Variants in ANAPC5 observed in about 807,000 individuals in gnomAD.
The protein encoded by ANAPC5 is anaphase promoting complex subunit 5.
Under a neutral mutation model 91.3 loss-of-function variants are expected in ANAPC5, and 60 were observed. The ratio of observed to expected loss-of-function variants is 0.66; its 90% confidence interval spans 0.53 to 0.81. The LOEUF is 0.81. ANAPC5 is among the 40% of genes least tolerant of loss of function. The probability of loss-of-function intolerance (pLI) is 0.00; values close to 1 mark genes in which losing one functional copy is unlikely to be tolerated. For synonymous variants in ANAPC5, 340 were observed against 364.1 expected (o/e 0.93, Z 0.75); for missense variants, 690 against 931.5 (o/e 0.74, Z 3.37).
At chr12:121,317,570 G>GA (rs929069076) in intron 15 of ANAPC5, among the ~76,000 whole-genome samples, 125 of 142,306 alleles carry the variant, frequency 8.8e-4, no homozygotes, top group Admixed American at 1.7e-3. Context: ...TTTATCTCAA[G>GA]AAAAAAAAAA....
intron 3 of ANAPC5, chr12:121,346,358 A>C: frequency 4.7e-6 from 1 of 213,608 alleles, no homozygotes. Flanking sequence ...GGTAATCTCC[A>C]TAAGAGGAAA....
chr12:121,352,433 C>T, upstream of ANAPC5: 1 of 1,011,502 alleles, frequency 9.9e-7, no homozygotes, highest in Non-Finnish European at 1.5e-6. Flanking sequence ...TCCGCCCGCC[C>T]TCACAATATC....
chr12:121,313,752 CA>C (rs894728960), intron 15 of ANAPC5, among the ~76,000 whole-genome samples: 7 of 152,080 alleles, frequency 4.6e-5, no homozygotes, highest in African/African-American at 1.7e-4. Flanking sequence ...AATTAGTAAC[CA>C]AAAAAACTTC....
At chr12:121,313,086 G>A (rs553923852) in intron 15 of ANAPC5, among the ~76,000 whole-genome samples, 1 of 152,358 alleles carries the variant, frequency 6.6e-6, no homozygotes, top group South Asian at 2.1e-4. Flanking sequence ...AGCACTTTGG[G>A]AGGCCAAGGC....
rs933728783 is a variant in ANAPC5 at position 121,319,143 on chromosome 12, G to A, written c.1638-535C>T. On this transcript the variant is annotated intron_variant, in intron 13 of 16. Coordinates refer to ENST00000261819, the MANE Select transcript of ANAPC5 (RefSeq NM_016237.5). ...CACACACACACACACACACACACAC[G>A]CATGCAGGAAAAATTCTGGAATTAT... 6.7e-5 allele frequency among the ~76,000 whole-genome samples: 10 copies of A among 149,610 alleles called. No individual in the cohort carries two copies. In the East Asian group the frequency reaches 7.8e-4, roughly 12 times the overall value.
intron 13 of ANAPC5, among the ~76,000 whole-genome samples, chr12:121,319,319 G>A (rs138273182): frequency 2.0e-5 from 3 of 150,808 alleles, no homozygotes; most frequent in African/African-American, 7.3e-5. Flanking sequence ...TGCAACCTCC[G>A]CCTCATGGGT....
intron 15 of ANAPC5, among the ~76,000 whole-genome samples, chr12:121,314,686 C>T (rs1483882172): frequency 1.3e-5 from 2 of 151,354 alleles, no homozygotes; most frequent in Non-Finnish European, 2.9e-5. Flanking sequence ...GGCATGATCT[C>T]GGTTCACTAC....
At chr12:121,328,237 A>G (rs1437586024) in intron 10 of ANAPC5, 79 bp downstream of exon 10, 1 of 1,320,486 alleles carries the variant, frequency 7.6e-7, no homozygotes. Context: ...TCTTGTATGT[A>G]TGGCCTTTCA....
Position 121,345,989 on chromosome 12 carries a change from G to A in ANAPC5, c.440C>T (p.Ser147Phe). The A allele has an allele frequency of 6.2e-7, 1 of 1,611,120 alleles. No individual in the cohort carries two copies. The highest frequency in any genetic ancestry group is 8.5e-7 in the Non-Finnish European group (1 of 1,179,224). Residue 147 changes from serine (S) to phenylalanine (F), a missense_variant, in exon 4 of 17, where the codon TCT becomes TTT. By Grantham distance (155) the Ser-to-Phe change is radical (BLOSUM62 -2). Transcript: ENST00000261819. ...GTACAGTTTAAACACTTGGCTGAAA[G>A]AAAGCTTACTGTAGGCCAAGATCAT... The part of the protein sequence containing the change: ...RHMILAYSKL[S>F]FSQVFKLYTA...
In ANAPC5 at chr12:121,328,339, G is replaced by A. The variant is rs374144611; in HGVS notation, c.1281C>T (p.Ala427=). 15 of 1,613,772 alleles carry A rather than the reference G, an allele frequency of 9.3e-6. No homozygotes were observed. In the African/African-American group the frequency reaches 1.3e-4, roughly 14 times the overall value. ...LIDISIAQKT[A]IWRLYGRSTM... ...ACCTGCGGCCATACAGCCTCCAGAT[G>A]GCCGTTTTCTGTGCGATGCTGATAT... The change falls in exon 10 of 17, where the codon GCC becomes GCT. Residue 427 remains alanine, a synonymous_variant. Coordinates refer to ENST00000261819, the MANE Select transcript of ANAPC5 (RefSeq NM_016237.5).
At chr12:121,344,497 T>C (rs1903584273) in intron 4 of ANAPC5, among the ~76,000 whole-genome samples, 3 of 149,698 alleles carry the variant, frequency 2.0e-5, no homozygotes, top group African/African-American at 7.4e-5. Flanking sequence ...GGCAGGAGAA[T>C]CACTTGAACC....
At chr12:121,330,098 C>T (rs910239975) in intron 9 of ANAPC5, among the ~76,000 whole-genome samples, 47 of 152,046 alleles carry the variant, frequency 3.1e-4, no homozygotes, top group African/African-American at 1.1e-3. Context: ...TAAATAATTT[C>T]GATTTTTCAG....
At chr12:121,319,597 T>C (rs1361152461) in intron 13 of ANAPC5, 100 bp downstream of exon 13, 8 of 1,302,990 alleles carry the variant, frequency 6.1e-6, no homozygotes, top group African/African-American at 1.5e-5. Context: ...GAAAATAAAG[T>C]TTTTTTCTAA....
intron 13 of ANAPC5, among the ~76,000 whole-genome samples, 179 bp downstream of exon 13, chr12:121,319,518 G>A (rs561850208): frequency 9.6e-4 from 134 of 139,486 alleles, no homozygotes; most frequent in African/African-American, 3.1e-3. Context: ...ACAGGTGTAA[G>A]TCACCATGCC....
At chr12:121,338,990 T>G (rs1903346151) in intron 5 of ANAPC5, among the ~76,000 whole-genome samples, 1 of 151,890 alleles carries the variant, frequency 6.6e-6, no homozygotes, top group African/African-American at 2.4e-5. Flanking sequence ...TATGTAACTT[T>G]ATTTCCTGTT....
intron 11 of ANAPC5, among the ~76,000 whole-genome samples, chr12:121,323,390 T>C (rs1902695253): frequency 6.6e-6 from 1 of 152,012 alleles, no homozygotes; most frequent in African/African-American, 2.4e-5. Context: ...AGTGGTGCAA[T>C]CTCAGCTCAT....
At position 121,308,630 on chromosome 12, in the gene ANAPC5, G is replaced by A. The variant is rs755826246; in HGVS notation, c.2118C>T (p.Cys706=). The part of the protein sequence containing the change: ...EAKNYFAKVD[C]KERIRDVVYF... ...AAACGACGTCCCTGATGCGCTCTTT[G>A]CAGTCAACCTTTGCAAAATAGTTCT... The change falls in exon 17 of 17, where the codon TGC becomes TGT. Residue 706 remains cysteine, a synonymous_variant. Transcript: ENST00000261819. 6.2e-7 allele frequency: 1 copy of A among 1,614,128 alleles called. No individual in the cohort carries two copies. Among genetic ancestry groups the A allele is most frequent in the Non-Finnish European group, 8.5e-7 (1 of 1,180,014 alleles).
intron 15 of ANAPC5, 137 bp downstream of exon 15, chr12:121,318,140 G>A (rs1284433253): frequency 6.4e-6 from 7 of 1,097,212 alleles, no homozygotes; most frequent in Non-Finnish European, 7.2e-6. Flanking sequence ...TGGAGGGCTT[G>A]CACAGGAAGA....
At chr12:121,353,956 C>G (rs1258767879), upstream of ANAPC5, among the ~76,000 whole-genome samples, 2 of 150,534 alleles carry the variant, frequency 1.3e-5, no homozygotes, top group African/African-American at 4.9e-5. Context: ...GTAGTTGAGA[C>G]TACAGGCTTG....
Sources: allele counts gnomAD v4.1 joint callset (sites outside exome capture counted in the v4.1 genomes callset), GRCh38; gene constraint gnomAD v4.1.1; transcripts MANE v1.5; gene names NCBI Gene and HGNC (gene_info 2026-07-23, HGNC 2026-07-21).